SHISA6: variants seen among roughly 807,000 people sequenced by gnomAD.
SHISA6 encodes protein shisa-6.
A neutral mutation model predicts 47.9 loss-of-function variants in SHISA6; 22 were observed. That is an observed-to-expected ratio of 0.46 (90% CI 0.33 to 0.66). SHISA6 has a LOEUF of 0.66. Ranked by LOEUF, SHISA6 falls within the 30% of genes least tolerant of loss-of-function variation. The pLI is 0.02. For synonymous variants in SHISA6, 388 were observed against 337.8 expected (o/e 1.15, Z -1.63); for missense variants, 680 against 764.6 (o/e 0.89, Z 1.30).
At position 11,558,129 on chromosome 17, in the gene SHISA6, A is replaced by T. The variant is rs532316726; in HGVS notation, c.1481A>T (p.Lys494Met). ...TPVLDRYRMS[K>M]MHSHPSASNN... ...GTGCTGGACCGCTACCGCATGAGCA[A>T]GATGCACTCTCATCCCAGTGCCTCC... The change falls in exon 6 of 6, where the codon AAG becomes ATG. Residue 494 changes from lysine (K) to methionine (M), a missense_variant. Transcript: ENST00000441885. 1 of 1,551,204 alleles carries T rather than the reference A, an allele frequency of 6.4e-7. No homozygotes were observed. Among genetic ancestry groups the T allele is most frequent in the South Asian group, 1.2e-5 (1 of 84,060 alleles).
At chr17:11,257,418 T>C (rs1463171368) in intron 1 of SHISA6, among the ~76,000 whole-genome samples, 1 of 151,962 alleles carries the variant, frequency 6.6e-6, no homozygotes, top group Non-Finnish European at 1.5e-5. Flanking sequence ...TCCAGCACTT[T>C]GGGAGGCTGA....
At chr17:11,264,008 T>A (rs1490308888) in intron 2 of SHISA6, among the ~76,000 whole-genome samples, 1 of 152,180 alleles carries the variant, frequency 6.6e-6, no homozygotes, top group African/African-American at 2.4e-5. Context: ...CTCTGTAGAT[T>A]CCCTGGATGT....
intron 3 of SHISA6, among the ~76,000 whole-genome samples, chr17:11,489,810 T>C (rs143209018): frequency 6.6e-5 from 10 of 152,198 alleles, no homozygotes; most frequent in Non-Finnish European, 1.0e-4. Flanking sequence ...TACTGGCAAC[T>C]AGTGGGTAAA....
intron 3 of SHISA6, among the ~76,000 whole-genome samples, chr17:11,426,705 T>C (rs997590556): frequency 5.3e-5 from 8 of 152,148 alleles, no homozygotes; most frequent in Non-Finnish European, 1.2e-4. Flanking sequence ...TAAATAGAGA[T>C]TTTTTACATG....
At chr17:11,245,474 C>T (rs926494114) in intron 1 of SHISA6, among the ~76,000 whole-genome samples, 2 of 152,202 alleles carry the variant, frequency 1.3e-5, no homozygotes, top group African/African-American at 4.8e-5. Context: ...CCCAGGAAAC[C>T]GCCTGGGAGC....
chr17:11,369,397 A>G (rs1380129227), intron 2 of SHISA6, among the ~76,000 whole-genome samples: 1 of 152,238 alleles, frequency 6.6e-6, no homozygotes, highest in Non-Finnish European at 1.5e-5. Flanking sequence ...CACATGATAA[A>G]ATTATCTAAG....
At chr17:11,552,881 T>G (rs1219763301) in intron 4 of SHISA6, among the ~76,000 whole-genome samples, 4 of 152,218 alleles carry the variant, frequency 2.6e-5, no homozygotes, top group Middle Eastern at 3.4e-3. Flanking sequence ...TGGGAGAAAC[T>G]GGGGAGATCA....
intron 3 of SHISA6, among the ~76,000 whole-genome samples, chr17:11,469,438 G>A (rs1915886885): frequency 6.6e-6 from 1 of 152,196 alleles, no homozygotes; most frequent in African/African-American, 2.4e-5. Context: ...TTAGCCCCAT[G>A]AGATCCATGT....
At chr17:11,392,176 T>A (rs1410652354) in intron 3 of SHISA6, among the ~76,000 whole-genome samples, 1 of 152,194 alleles carries the variant, frequency 6.6e-6, no homozygotes, top group Non-Finnish European at 1.5e-5. Flanking sequence ...TCTTTTTTTT[T>A]TCTTCTGTCC....
intron 2 of SHISA6, among the ~76,000 whole-genome samples, chr17:11,327,905 TTC>T (rs143614162): frequency 9.9e-5 from 15 of 151,126 alleles, no homozygotes; most frequent in African/African-American, 1.7e-4. Flanking sequence ...CAGAAGCATT[TTC>T]TCTCTCTCTC....
chr17:11,421,558 C>G, intron 3 of SHISA6, among the ~76,000 whole-genome samples: 1 of 152,252 alleles, frequency 6.6e-6, no homozygotes, highest in East Asian at 1.9e-4. Context: ...ATATCCAGCA[C>G]GAAGACATGA....
chr17:11,359,442 G>A (rs1229484063), intron 2 of SHISA6, among the ~76,000 whole-genome samples: 1 of 152,158 alleles, frequency 6.6e-6, no homozygotes, highest in Non-Finnish European at 1.5e-5. Context: ...CCTTCCAGGA[G>A]CAAATATACC....
At chr17:11,298,666 A>G (rs1205305339) in intron 2 of SHISA6, among the ~76,000 whole-genome samples, 1 of 152,160 alleles carries the variant, frequency 6.6e-6, no homozygotes, top group East Asian at 1.9e-4. Flanking sequence ...TGCCATGATG[A>G]TTCTGAAAGC....
At chr17:11,263,980 G>C (rs539274827) in intron 2 of SHISA6, among the ~76,000 whole-genome samples, 1 of 152,262 alleles carries the variant, frequency 6.6e-6, no homozygotes, top group Non-Finnish European at 1.5e-5. Context: ...CTGTATTTTT[G>C]AGTGACCTTT....
intron 2 of SHISA6, among the ~76,000 whole-genome samples, chr17:11,328,055 T>C (rs1910967889): frequency 6.6e-6 from 1 of 152,238 alleles, no homozygotes. Flanking sequence ...TTACAGTTTA[T>C]TTCTTCGGCA....
rs535162098 is a variant in SHISA6 at position 11,340,126 on chromosome 17, TC to T, written c.800-39286del. Among the ~76,000 whole-genome samples the T allele has an allele frequency of 1.1e-3, 162 of 152,350 alleles. 1 individual carries two copies. The highest frequency in any genetic ancestry group is 9.6e-4 in the Non-Finnish European group (65 of 68,038). ...TTGAGAGCACATGAATTCTCAGTGA[TC>T]CTATAAATATAACCATGTAAGCTTG... On this transcript the variant is annotated intron_variant, in intron 2 of 5. Coordinates refer to ENST00000441885, the MANE Select transcript of SHISA6 (RefSeq NM_207386.4).
chr17:11,314,759 C>T (rs1024251300), intron 2 of SHISA6, among the ~76,000 whole-genome samples: 5 of 151,946 alleles, frequency 3.3e-5, no homozygotes, highest in East Asian at 1.9e-4. Context: ...AGGCTGGTCT[C>T]GAACTCCTGA....
At chr17:11,312,110 T>G (rs1243074695) in intron 2 of SHISA6, among the ~76,000 whole-genome samples, 1 of 152,148 alleles carries the variant, frequency 6.6e-6, no homozygotes, top group Non-Finnish European at 1.5e-5. Context: ...ATGTCAGAAA[T>G]TATAACGCTT....
At chr17:11,343,671 G>T (rs1252519935) in intron 2 of SHISA6, among the ~76,000 whole-genome samples, 1 of 152,226 alleles carries the variant, frequency 6.6e-6, no homozygotes, top group Admixed American at 6.5e-5. Context: ...GGCGGAGCAG[G>T]CTCCACAGCA....
Sources: allele counts gnomAD v4.1 joint callset (sites outside exome capture counted in the v4.1 genomes callset), GRCh38; gene constraint gnomAD v4.1.1; transcripts MANE v1.5; gene names NCBI Gene and HGNC (gene_info 2026-07-23, HGNC 2026-07-21).